BRIP1: variants seen among roughly 807,000 people sequenced by gnomAD.
The protein encoded by BRIP1 is BRCA1 interacting DNA helicase 1, also known as Fanconi anemia group J protein.
Under a neutral mutation model 119.7 loss-of-function variants are expected in BRIP1, and 88 were observed. The ratio of observed to expected loss-of-function variants is 0.74; its 90% CI spans 0.62 to 0.88. The LOEUF (loss-of-function observed/expected upper bound fraction) is 0.88, where lower values mean the gene tolerates loss of function less well. Among genes scored for constraint, BRIP1 ranks in the 40% least tolerant of loss-of-function variants. The probability of loss-of-function intolerance (pLI) is 0.00; values close to 1 mark genes in which losing one functional copy is unlikely to be tolerated. For missense variants in BRIP1, 1,259 were observed against 1,455.4 expected, an observed-to-expected ratio of 0.87 and a Z score of 2.20; for synonymous variants, 443 against 496.5, an observed-to-expected ratio of 0.89 and a Z score of 1.43.
In BRIP1 at chr17:61,746,982, A is replaced by G. The variant is rs1255046300; in HGVS notation, c.2098-2391T>C. Among the ~76,000 whole-genome samples, 3 of 152,196 alleles carry G rather than the reference A, an allele frequency of 2.0e-5. No individual in the cohort carries two copies. Among genetic ancestry groups the G allele is most frequent in the Non-Finnish European group, 2.9e-5 (2 of 68,008 alleles). On this transcript the variant is annotated intron_variant, in intron 14 of 19. Transcript: ENST00000259008. This position sits in a 1 kb window ranked among gnomAD's most constrained non-coding sequence, Gnocchi z 4.9. ...TGTAAGATAAAAATTAATACCAGGT[A>G]TCTTTTGCAACCACAACAGAATCAA...
In BRIP1 at chr17:61,748,988, T is replaced by C. The variant is rs1041200020; in HGVS notation, c.2098-4397A>G. 5.9e-5 allele frequency among the ~76,000 whole-genome samples: 9 copies of C among 152,082 alleles called. No individual in the cohort carries two copies. Among genetic ancestry groups the C allele is most frequent in the Admixed American group, 3.9e-4 (6 of 15,266 alleles). On this transcript the variant is annotated intron_variant, in intron 14 of 19. Coordinates refer to ENST00000259008, the MANE Select transcript of BRIP1 (RefSeq NM_032043.3). This position sits in a 1 kb window ranked among gnomAD's most constrained non-coding sequence, Gnocchi z 4.7. ...CCATCTCTACTAAAAATACAAAAAA[T>C]TAGCCGGGCATGGTGGCGCACGCCT...
At position 61,704,226 on chromosome 17, in the gene BRIP1, C is replaced by CT. The variant is rs1160649286; in HGVS notation, c.2493-10715dup. Among the ~76,000 whole-genome samples, 1 of 151,932 alleles carries CT rather than the reference C, an allele frequency of 6.6e-6. No individual in the cohort carries two copies. Among genetic ancestry groups the CT allele is most frequent in the Non-Finnish European group, 1.5e-5 (1 of 67,946 alleles). On this transcript the variant is annotated intron_variant, in intron 17 of 19. Transcript: ENST00000259008. This position sits in a 1 kb window ranked among gnomAD's most constrained non-coding sequence, Gnocchi z 5.7. ...TTTATTTTTAGGCTCTTATAGTTTT[C>CT]TTTTTTCCCCCTTTTCCTTTTGTTT...
intron 6 of BRIP1, among the ~76,000 whole-genome samples, chr17:61,838,906 T>C (rs1414924135): frequency 1.3e-5 from 2 of 152,236 alleles, no homozygotes; most frequent in Non-Finnish European, 2.9e-5. Context: ...GTATAATAAA[T>C]ATTAAAACTT....
chr17:61,826,748 A>AC (rs2078414686), intron 6 of BRIP1, among the ~76,000 whole-genome samples: 1 of 150,188 alleles, frequency 6.7e-6, no homozygotes, highest in Non-Finnish European at 1.5e-5. Flanking sequence ...AAAAAAAAAA[A>AC]AAAAAAAAAC....
At chr17:61,727,344 T>C (rs765238582) in intron 16 of BRIP1, among the ~76,000 whole-genome samples, 2 of 152,148 alleles carry the variant, frequency 1.3e-5, no homozygotes, top group South Asian at 2.1e-4. Flanking sequence ...AGAGCGAGCA[T>C]GTACATAAGA....
In BRIP1 at chr17:61,770,484, A is replaced by G. The variant is rs2077432571; in HGVS notation, c.2097+5917T>C. On this transcript the variant is annotated intron_variant, in intron 14 of 19. Transcript: ENST00000259008. This position sits in a 1 kb window ranked among gnomAD's most constrained non-coding sequence, Gnocchi z 4.7. ...ATGTGTTTTAACATAGATACAAAAG[A>G]CAATATAAAATGTATTCTGTTTTTA... is the stretch of plus-strand genomic sequence containing the variant. Among the ~76,000 whole-genome samples, 2 of 152,332 alleles carry G rather than the reference A, an allele frequency of 1.3e-5. No individual in the cohort carries two copies. Among genetic ancestry groups the G allele is most frequent in the Middle Eastern group, 3.4e-3 (1 of 294 alleles).
Position 61,746,309 on chromosome 17 carries a change from A to T in BRIP1, c.2098-1718T>A, listed in dbSNP as rs1382503220. On this transcript the variant is annotated intron_variant, in intron 14 of 19. Coordinates refer to ENST00000259008, the MANE Select transcript of BRIP1 (RefSeq NM_032043.3). This position sits in a 1 kb window ranked among gnomAD's most constrained non-coding sequence, Gnocchi z 4.9. ...AGGAATAGAGGAACAAAAAAGCTGT[A>T]GTTAGACAGAAAACAATTATTGAAA... Among the ~76,000 whole-genome samples, 1 of 139,036 alleles carries T rather than the reference A, an allele frequency of 7.2e-6. No homozygotes were observed. The highest frequency in any genetic ancestry group is 1.6e-5 in the Non-Finnish European group (1 of 64,456). 91.2% of individuals were successfully genotyped at this position (139,036 alleles called of 152,430 possible).
Position 61,730,638 on chromosome 17 carries a change from CA to C in BRIP1, c.2379+12374del, listed in dbSNP as rs1883789594. 6.6e-6 allele frequency among the ~76,000 whole-genome samples: 1 copy of C among 151,970 alleles called. No homozygotes were observed. The highest frequency in any genetic ancestry group is 2.1e-4 in the South Asian group (1 of 4,812). On this transcript the variant is annotated intron_variant, in intron 16 of 19. Transcript: ENST00000259008. This position sits in a 1 kb window ranked among gnomAD's most constrained non-coding sequence, Gnocchi z 4.3. ...TTCAGAATTGTTCAAAAATCAAAAC[CA>C]AAAGTTTTTATTTATTAATTATCCA...
At chr17:61,688,496 A>T (rs1463344247) in intron 18 of BRIP1, among the ~76,000 whole-genome samples, 1 of 152,072 alleles carries the variant, frequency 6.6e-6, no homozygotes, top group East Asian at 1.9e-4. Flanking sequence ...AAAAAAAACC[A>T]AGCAAATATT....
Position 61,824,356 on chromosome 17 carries a change from C to A in BRIP1, c.628-15599G>T, listed in dbSNP as rs72843708. On this transcript the variant is annotated intron_variant, in intron 6 of 19. Transcript: ENST00000259008. The surrounding 1 kb of genome is among the most constrained non-coding windows in gnomAD (Gnocchi z 4.3). ...ATTCTCAAGGAACCCCGAATAACCA[C>A]AATAATCTTGAAAAAGAACAAAACT... 0.045 allele frequency among the ~76,000 whole-genome samples: 6,821 copies of A among 152,194 alleles called. 365 individuals carry two copies. The highest frequency in any genetic ancestry group is 0.26 in the South Asian group (1,268 of 4,816).
At position 61,693,596 on chromosome 17, in the gene BRIP1, A is replaced by G; in HGVS notation, c.2493-84T>C. Reference sequence around the variant, plus strand: ...CAGTGGGACAGACAGAAAATTGGAAAAAAATCAATTTTATAGATTCCTTTA... The same window carrying G: ...CAGTGGGACAGACAGAAAATTGGAAGAAAATCAATTTTATAGATTCCTTTA... On this transcript the variant is annotated intron_variant, in intron 17 of 19. Coordinates refer to ENST00000259008, the MANE Select transcript of BRIP1 (RefSeq NM_032043.3). This position sits in a 1 kb window ranked among gnomAD's most constrained non-coding sequence, Gnocchi z 4.2. The G allele has an allele frequency of 3.4e-6, 4 of 1,166,276 alleles. No homozygotes were observed. Among genetic ancestry groups the G allele is most frequent in the Non-Finnish European group, 5.1e-6 (4 of 782,520 alleles). 72.2% of individuals were successfully genotyped at this position (1,166,276 alleles called of 1,614,324 possible).
In BRIP1 at chr17:61,814,030, G is replaced by T. The variant is rs2078202753; in HGVS notation, c.628-5273C>A. On this transcript the variant is annotated intron_variant, in intron 6 of 19. Transcript: ENST00000259008. This position sits in a 1 kb window ranked among gnomAD's most constrained non-coding sequence, Gnocchi z 4.9. ...ATTTAAATCAAATATGTTATAACAA[G>T]ATCCATATTATGTCCCCCAAGGGAA... Among the ~76,000 whole-genome samples the T allele has an allele frequency of 6.6e-6, 1 of 151,970 alleles. No individual in the cohort carries two copies. The highest frequency in any genetic ancestry group is 2.4e-5 in the African/African-American group (1 of 41,422).
At chr17:61,839,742 C>T (rs757609646) in intron 6 of BRIP1, among the ~76,000 whole-genome samples, 1 of 152,066 alleles carries the variant, frequency 6.6e-6, no homozygotes, top group Non-Finnish European at 1.5e-5. Flanking sequence ...ATAAATCACC[C>T]ACTTATGAAA....
At chr17:61,818,654 A>G (rs548346467) in intron 6 of BRIP1, among the ~76,000 whole-genome samples, 1 of 152,278 alleles carries the variant, frequency 6.6e-6, no homozygotes, top group South Asian at 2.1e-4. Context: ...AAAACTTTTC[A>G]TTTCCAATGA....
At chr17:61,779,817 C>T (rs982078037) in intron 13 of BRIP1, among the ~76,000 whole-genome samples, 1 of 151,824 alleles carries the variant, frequency 6.6e-6, no homozygotes, top group Non-Finnish European at 1.5e-5. Flanking sequence ...ATTAGCCAGG[C>T]GTGCGGCGCA....
chr17:61,798,124 A>C lies in BRIP1; in HGVS notation c.1340+976T>G, dbSNP rs1178640179. 2.0e-5 allele frequency among the ~76,000 whole-genome samples: 3 copies of C among 152,010 alleles called. No homozygotes were observed. In the East Asian group the frequency reaches 5.8e-4, roughly 29 times the overall value. Reference sequence around the variant, plus strand: ...TCATTATAGCAGTTTAAGAGCAAAAAACTAGAAACAACCTCCTCTATTAAT... The same window carrying C: ...TCATTATAGCAGTTTAAGAGCAAAACACTAGAAACAACCTCCTCTATTAAT... On this transcript the variant is annotated intron_variant, in intron 9 of 19. Transcript: ENST00000259008. The surrounding 1 kb of genome is among the most constrained non-coding windows in gnomAD (Gnocchi z 5.5).
At position 61,748,761 on chromosome 17, in the gene BRIP1, C is replaced by T. The variant is rs8075397; in HGVS notation, c.2098-4170G>A. On this transcript the variant is annotated intron_variant, in intron 14 of 19. Coordinates refer to ENST00000259008, the MANE Select transcript of BRIP1 (RefSeq NM_032043.3). The surrounding 1 kb of genome is among the most constrained non-coding windows in gnomAD (Gnocchi z 4.7). Reference sequence around the variant, plus strand: ...CAAATAGTTCAGGGCAAACAATATCCACATGCAAAAGAATAAAACTGGACC... The same window carrying T: ...CAAATAGTTCAGGGCAAACAATATCTACATGCAAAAGAATAAAACTGGACC... Among the ~76,000 whole-genome samples the T allele has an allele frequency of 0.78, 118,379 of 152,202 alleles. 46,577 individuals are homozygous for T. The highest frequency in any genetic ancestry group is 0.85 in the African/African-American group (35,412 of 41,534).
chr17:61,679,492 A>T lies in BRIP1; in HGVS notation c.*3804T>A, dbSNP rs2144044119. Among the ~76,000 whole-genome samples, 1 of 152,296 alleles carries T rather than the reference A, an allele frequency of 6.6e-6. No individual in the cohort carries two copies. Among genetic ancestry groups the T allele is most frequent in the Admixed American group, 6.5e-5 (1 of 15,296 alleles). On this transcript the variant is annotated 3_prime_UTR_variant, in exon 20 of 20. Transcript: ENST00000259008. The surrounding 1 kb of genome is among the most constrained non-coding windows in gnomAD (Gnocchi z 4.4). The stretch of plus-strand genomic sequence containing the variant: ...CTATATACTTTCAGTCCTTGAATAA[A>T]TTCAGTATTAGATAATTATTTCATA...
rs864622277 is a variant in BRIP1, at chr17:61,847,221, C to G, written c.508-1G>C. On this transcript the variant is annotated splice_acceptor_variant, in intron 5 of 19. Transcript: ENST00000259008. LOFTEE classifies it high-confidence loss of function. ...TTCCAAAGCAATGACGTTTTCTAATCTGTAAACACAGAACCAAAATGAAGT... is the reference window on the plus strand; with the variant it reads ...TTCCAAAGCAATGACGTTTTCTAATGTGTAAACACAGAACCAAAATGAAGT... 6.2e-7 allele frequency: 1 copy of G among 1,613,780 alleles called. No individual in the cohort carries two copies. The highest frequency in any genetic ancestry group is 8.5e-7 in the Non-Finnish European group (1 of 1,179,818).
Sources: allele counts gnomAD v4.1 joint callset (sites outside exome capture counted in the v4.1 genomes callset), GRCh38; gene constraint gnomAD v4.1.1; non-coding constraint Gnocchi (gnomAD v3.1); transcripts MANE v1.5; gene names NCBI Gene and HGNC (gene_info 2026-07-23, HGNC 2026-07-21).